Variants in PTCD3 observed in about 807,000 individuals in gnomAD.
PTCD3 encodes small ribosomal subunit protein mS39.
PTCD3 carries 89 observed loss-of-function variants against 101.9 expected under a neutral mutation model. The observed-to-expected ratio is 0.87, with a 90% CI of 0.74 to 1.04. The LOEUF (loss-of-function observed/expected upper bound fraction) is 1.04, where lower values mean the gene tolerates loss of function less well. Ranked by LOEUF, PTCD3 falls within the 50% of genes least tolerant of loss-of-function variation. The probability of loss-of-function intolerance (pLI) is 0.00; values close to 1 mark genes in which losing one functional copy is unlikely to be tolerated. For synonymous variants in PTCD3, 296 were observed against 278.5 expected, an observed-to-expected ratio of 1.06 and a Z score of -0.63; for missense variants, 870 against 828.2, an observed-to-expected ratio of 1.05 and a Z score of -0.62.
At chr2:86,114,283 T>C (rs1478464357) in intron 4 of PTCD3, among the ~76,000 whole-genome samples, 1 of 151,990 alleles carries the variant, frequency 6.6e-6, no homozygotes. Flanking sequence ...ATTCTTTTTT[T>C]TCTTTCTTTT....
rs148204987 is a variant in PTCD3, at chr2:86,114,802, C to T, written c.241-1728C>T. On this transcript the variant is annotated intron_variant, in intron 4 of 23. Transcript: ENST00000254630. ...TAAGAGTTATGACAGCAAGAAGATA[C>T]AAAGCAAAGTCAGCAAAGAGAAAAG... Among the ~76,000 whole-genome samples the T allele has an allele frequency of 4.6e-5, 7 of 152,258 alleles. No homozygotes were observed. The East Asian group carries it at 1.3e-3, about 29-fold the overall frequency.
intron 22 of PTCD3, 185 bp downstream of exon 22, chr2:86,136,747 A>G (rs1427319585): frequency 2.5e-6 from 2 of 800,720 alleles, no homozygotes; most frequent in Non-Finnish European, 4.1e-6. Context: ...ATCATCATAC[A>G]TTGGGGCTAC....
intron 12 of PTCD3, among the ~76,000 whole-genome samples, chr2:86,126,663 C>T (rs2018608): frequency 0.075 from 11,337 of 151,846 alleles, 693 homozygotes; most frequent in African/African-American, 0.16. Flanking sequence ...GGTGAAACCC[C>T]GTCTCTACTA....
intron 15 of PTCD3, 157 bp downstream of exon 15, chr2:86,130,894 TA>T: frequency 6.9e-7 from 1 of 1,451,572 alleles, no homozygotes; most frequent in Non-Finnish European, 9.1e-7. Context: ...AGCTTAGTAA[TA>T]TTTGCCATGG....
chr2:86,127,928 C>G lies in PTCD3; in HGVS notation c.1097-13C>G. 6.2e-7 allele frequency: 1 copy of G among 1,601,936 alleles called. No homozygotes were observed. The highest frequency in any genetic ancestry group is 8.6e-7 in the Non-Finnish European group (1 of 1,169,260). On this transcript the variant is annotated splice_polypyrimidine_tract_variant and intron_variant, in intron 13 of 23. Transcript: ENST00000254630. ...CTCATTGTTTATTTTTTCTGTCTAC[C>G]TGGTAATTTGAGAACCCTCGCTTGC...
chr2:86,133,449 T>C lies in PTCD3; in HGVS notation c.1543+13T>C. 1 of 1,589,334 alleles carries C rather than the reference T, an allele frequency of 6.3e-7. No homozygotes were observed. Among genetic ancestry groups the C allele is most frequent in the Non-Finnish European group, 8.6e-7 (1 of 1,157,642 alleles). ...AAAATTTGGAAAGGTCAGTTTTACT[T>C]TTTATGTGTCCAGGTGCATCTCACC... On this transcript the variant is annotated intron_variant, in intron 19 of 23. Coordinates refer to ENST00000254630, the MANE Select transcript of PTCD3 (RefSeq NM_017952.6).
At position 86,108,388 on chromosome 2, in the gene PTCD3, G is replaced by A. The variant is rs751700635; in HGVS notation, c.143G>A (p.Gly48Glu). ...AGTGCAACCCTCTCAAAGGTTGAAGGAACTGATGTAACAGGTATATTTTAA... is the reference window on the plus strand; with the variant it reads ...AGTGCAACCCTCTCAAAGGTTGAAGAAACTGATGTAACAGGTATATTTTAA... ...SGSATLSKVE[G>E]TDVTGIEEVV... Residue 48 changes from glycine to glutamate, a missense_variant, in exon 2 of 24, where the codon GGA becomes GAA. Physicochemically the swap from Gly to Glu is moderately conservative, Grantham distance 98. Coordinates refer to ENST00000254630, the MANE Select transcript of PTCD3 (RefSeq NM_017952.6). 1.2e-6 allele frequency: 2 copies of A among 1,608,254 alleles called. No homozygotes were observed. Among genetic ancestry groups the A allele is most frequent in the South Asian group, 2.2e-5 (2 of 89,822 alleles).
chr2:86,131,438 T>C lies in PTCD3; in HGVS notation c.1266+332T>C, dbSNP rs955115060. ...TTGTGGTAGAGATGTAGTTTCACCATGTTGACCAGACTGGTCTTGAACTCC... is the reference window on the plus strand; with the variant it reads ...TTGTGGTAGAGATGTAGTTTCACCACGTTGACCAGACTGGTCTTGAACTCC... On this transcript the variant is annotated intron_variant, in intron 16 of 23. Coordinates refer to ENST00000254630, the MANE Select transcript of PTCD3 (RefSeq NM_017952.6). 2.6e-5 allele frequency among the ~76,000 whole-genome samples: 4 copies of C among 152,278 alleles called. No individual in the cohort carries two copies. The East Asian group carries it at 5.8e-4, about 22-fold the overall frequency.
chr2:86,115,225 T>C (rs1476821792), intron 4 of PTCD3, among the ~76,000 whole-genome samples: 1 of 152,230 alleles, frequency 6.6e-6, no homozygotes, highest in Non-Finnish European at 1.5e-5. Context: ...GTTTCAGGTC[T>C]GTTAACTCTT....
At chr2:86,130,539 C>T in intron 14 of PTCD3, 109 bp from the exon 15 acceptor site, 1 of 1,494,428 alleles carries the variant, frequency 6.7e-7, no homozygotes, top group Non-Finnish European at 8.9e-7. Flanking sequence ...TATGCGAGGA[C>T]TTAGGCTGGA....
chr2:86,131,567 T>C (rs1001773613), intron 16 of PTCD3, among the ~76,000 whole-genome samples: 1 of 152,226 alleles, frequency 6.6e-6, no homozygotes, highest in Non-Finnish European at 1.5e-5. Flanking sequence ...GTTTATTGTT[T>C]ACATTGACAT....
At chr2:86,123,033 G>T (rs1248985476) in intron 8 of PTCD3, among the ~76,000 whole-genome samples, 2 of 152,162 alleles carry the variant, frequency 1.3e-5, no homozygotes, top group Non-Finnish European at 2.9e-5. Flanking sequence ...GCCGAGGCGG[G>T]TGGATCATGA....
chr2:86,132,534 A>G, intron 17 of PTCD3, 110 bp downstream of exon 17: 1 of 701,974 alleles, frequency 1.4e-6, no homozygotes, highest in Non-Finnish European at 2.4e-6. Flanking sequence ...CATGCCAATG[A>G]TCTAATAGGA....
At position 86,133,435 on chromosome 2, in the gene PTCD3, A is replaced by C. The variant is rs1674528318; in HGVS notation, c.1542A>C (p.Lys514Asn). ...TAGAAGTGATTCCTAAAATTTGGAA[A>C]GGTCAGTTTTACTTTTTATGTGTCC... is the stretch of plus-strand genomic sequence containing the variant. ...NRLEVIPKIW[K>N]DSKEYGHTFR... Residue 514 changes from lysine to asparagine, a missense_variant and splice_region_variant, in exon 19 of 24, where the codon AAA becomes AAC. Transcript: ENST00000254630. 6.2e-7 allele frequency: 1 copy of C among 1,610,910 alleles called. No individual in the cohort carries two copies. The highest frequency in any genetic ancestry group is 8.5e-7 in the Non-Finnish European group (1 of 1,177,092).
rs760894757 is a variant in PTCD3 at position 86,121,522 on chromosome 2, A to G, written c.582A>G (p.Leu194=). 1 of 1,610,408 alleles carries G rather than the reference A, an allele frequency of 6.2e-7. No individual in the cohort carries two copies. Among genetic ancestry groups the G allele is most frequent in the Non-Finnish European group, 8.5e-7 (1 of 1,178,448 alleles). Residue 194 remains leucine (L), a synonymous_variant, in exon 8 of 24, where the codon TTA becomes TTG. Coordinates refer to ENST00000254630, the MANE Select transcript of PTCD3 (RefSeq NM_017952.6). ...AAACAACAAATAGTCTCTTGGATTT[A>G]TTGTGTTACTATGGTGACCAGGAGC... The part of the protein sequence containing the change: ...SLETTNSLLD[L]LCYYGDQEPS...
At position 86,130,689 on chromosome 2, in the gene PTCD3, A is replaced by G. The variant is rs1674480638; in HGVS notation, c.1189A>G (p.Met397Val). 1 of 1,613,730 alleles carries G rather than the reference A, an allele frequency of 6.2e-7. No individual in the cohort carries two copies. Among genetic ancestry groups the G allele is most frequent in the Admixed American group, 1.7e-5 (1 of 59,954 alleles). Residue 397 changes from methionine (M) to valine (V), a missense_variant, in exon 15 of 24, where the codon ATG becomes GTG. Transcript: ENST00000254630. ...ATCATCCTTCATCATTTATGATATA[A>G]TGAATGAATTAATGGGAAAGAGATT... ...KRSSFIIYDI[M>V]NELMGKRFSP...
intron 14 of PTCD3, among the ~76,000 whole-genome samples, chr2:86,130,099 A>C (rs535950674): frequency 6.6e-6 from 1 of 152,276 alleles, no homozygotes; most frequent in Admixed American, 6.5e-5. Flanking sequence ...CAGGAGTTCA[A>C]GACCAGCCTG....
chr2:86,130,763 T>G, intron 15 of PTCD3, 26 bp downstream of exon 15: 2 of 1,611,190 alleles, frequency 1.2e-6, no homozygotes, highest in Non-Finnish European at 1.7e-6. Context: ...ACTTGTGTTT[T>G]CCTCCTCTAA....
At chr2:86,135,191 T>A in intron 21 of PTCD3, 1 of 465,126 alleles carries the variant, frequency 2.1e-6, no homozygotes. Context: ...TCTCAAACCA[T>A]ACGCTGAGAA....
Sources: allele counts gnomAD v4.1 joint callset (sites outside exome capture counted in the v4.1 genomes callset), GRCh38; gene constraint gnomAD v4.1.1; transcripts MANE v1.5; gene names NCBI Gene and HGNC (gene_info 2026-07-23, HGNC 2026-07-21).